The following PLXNA4 variants were observed in gnomAD, a reference collection of about 807,000 sequenced individuals.
PLXNA4 encodes plexin A4.
A neutral mutation model predicts 191.8 loss-of-function variants in PLXNA4; 44 were observed. The ratio of observed to expected loss-of-function variants is 0.23; its 90% CI spans 0.18 to 0.29. The LOEUF (loss-of-function observed/expected upper bound fraction) is 0.29. Ranked by LOEUF, PLXNA4 falls within the 10% of genes least tolerant of loss-of-function variation. The pLI is 1.00. For missense variants in PLXNA4, 1,800 were observed against 2,488.8 expected (o/e 0.72, Z 5.89); for synonymous variants, 1,082 against 1,009.5 (o/e 1.07, Z -1.36).
intron 3 of PLXNA4, among the ~76,000 whole-genome samples, chr7:132,464,665 A>G (rs1796634137): frequency 6.6e-6 from 1 of 152,236 alleles, no homozygotes; most frequent in Admixed American, 6.5e-5. Context: ...GTCCCTAAGA[A>G]TCTGTAGTAG....
chr7:132,460,442 C>A lies in PLXNA4; in HGVS notation c.1371+28850G>T, dbSNP rs564022792. Among the ~76,000 whole-genome samples the A allele has an allele frequency of 2.6e-5, 4 of 152,114 alleles. No homozygotes were observed. In the South Asian group the frequency reaches 8.3e-4, roughly 32 times the overall value. ...AAAATAGCTGCATGGAAAAAATTAG[C>A]TCTGTGCCCACCCTTCTCTCCTGTG... is the stretch of plus-strand genomic sequence containing the variant. On this transcript the variant is annotated intron_variant, in intron 3 of 31. Coordinates refer to ENST00000321063, the MANE Select transcript of PLXNA4 (RefSeq NM_020911.2).
chr7:132,174,808 A>T lies in PLXNA4; in HGVS notation c.3987T>A (p.Ile1329=). Reference sequence around the variant, plus strand: ...GGTCCCGGAGGACAGGGTGGTCTTCAATTCCTGGGAACAGCACCCGCATGG... The same window carrying T: ...GGTCCCGGAGGACAGGGTGGTCTTCTATTCCTGGGAACAGCACCCGCATGG... The part of the protein sequence containing the change: ...TYTMRVLFPG[I]EDHPVLRDLE... The change falls in exon 21 of 32, where the codon ATT becomes ATA. Residue 1329 remains isoleucine, a synonymous_variant. Transcript: ENST00000321063. The T allele has an allele frequency of 6.2e-7, 1 of 1,614,104 alleles. No homozygotes were observed. Among genetic ancestry groups the T allele is most frequent in the Non-Finnish European group, 8.5e-7 (1 of 1,179,964 alleles).
chr7:132,151,791 A>G (rs1795652793), intron 25 of PLXNA4, among the ~76,000 whole-genome samples: 1 of 152,156 alleles, frequency 6.6e-6, no homozygotes, highest in African/African-American at 2.4e-5. Flanking sequence ...GGATCACAAG[A>G]AGCCTACCCA....
chr7:132,636,449 G>A (rs1037472801), intron 2 of PLXNA4, among the ~76,000 whole-genome samples: 1 of 152,184 alleles, frequency 6.6e-6, no homozygotes, highest in African/African-American at 2.4e-5. Context: ...AAGAATCTGT[G>A]AGCTTCAGAG....
At chr7:132,185,919 G>A (rs540520400) in intron 15 of PLXNA4, among the ~76,000 whole-genome samples, 2 of 152,164 alleles carry the variant, frequency 1.3e-5, no homozygotes, top group Non-Finnish European at 2.9e-5. Flanking sequence ...GTAGTATTTG[G>A]AGTTGAGCCC....
intron 3 of PLXNA4, among the ~76,000 whole-genome samples, chr7:132,347,722 G>T (rs550123603): frequency 6.6e-6 from 1 of 152,114 alleles, no homozygotes; most frequent in Non-Finnish European, 1.5e-5. Context: ...GGGAAGGCAG[G>T]TGCCCATGAT....
chr7:132,330,984 C>T (rs1475829081), intron 3 of PLXNA4, among the ~76,000 whole-genome samples: 1 of 152,042 alleles, frequency 6.6e-6, no homozygotes, highest in African/African-American at 2.4e-5. Flanking sequence ...CCAAGCCTGC[C>T]AGTCATTTTT....
intron 3 of PLXNA4, among the ~76,000 whole-genome samples, chr7:132,475,191 T>C (rs1308511816): frequency 1.3e-5 from 2 of 152,108 alleles, no homozygotes; most frequent in African/African-American, 4.8e-5. Flanking sequence ...CTAGGAGCAG[T>C]AGTGGGAGGC....
At chr7:132,337,337 T>G (rs1003165938) in intron 3 of PLXNA4, among the ~76,000 whole-genome samples, 2 of 152,226 alleles carry the variant, frequency 1.3e-5, no homozygotes, top group Non-Finnish European at 2.9e-5. Context: ...TGTCCACACA[T>G]GTCCCCTGGC....
chr7:132,371,160 G>A (rs1804423931), intron 3 of PLXNA4, among the ~76,000 whole-genome samples: 1 of 152,178 alleles, frequency 6.6e-6, no homozygotes, highest in African/African-American at 2.4e-5. Context: ...GAGGGAAATG[G>A]GGGTGGGGAG....
At chr7:132,396,516 A>T (rs1485908858) in intron 3 of PLXNA4, among the ~76,000 whole-genome samples, 1 of 152,128 alleles carries the variant, frequency 6.6e-6, no homozygotes, top group Non-Finnish European at 1.5e-5. Flanking sequence ...TTTTTGAGAC[A>T]GTCAACCCCT....
intron 2 of PLXNA4, among the ~76,000 whole-genome samples, chr7:132,499,206 G>C (rs1412633802): frequency 6.6e-6 from 1 of 152,236 alleles, no homozygotes; most frequent in African/African-American, 2.4e-5. Context: ...TTGAACCCAT[G>C]ACCTTCTCCT....
At chr7:132,532,363 TG>T (rs1482324229) in intron 1 of PLXNA4, among the ~76,000 whole-genome samples, 1 of 152,122 alleles carries the variant, frequency 6.6e-6, no homozygotes, top group Admixed American at 6.5e-5. Context: ...AGGTCTGGAG[TG>T]GGACATGAGA....
intron 3 of PLXNA4, among the ~76,000 whole-genome samples, chr7:132,303,118 C>T (rs2116530679): frequency 6.6e-6 from 1 of 152,028 alleles, no homozygotes; most frequent in East Asian, 2.0e-4. Context: ...CGTGATCTGC[C>T]CGCCTCGGCC....
chr7:132,191,772 A>ATC lies in PLXNA4; in HGVS notation c.2856+2288_2856+2289dup, dbSNP rs145828587. On this transcript the variant is annotated intron_variant, in intron 14 of 31. Coordinates refer to ENST00000321063, the MANE Select transcript of PLXNA4 (RefSeq NM_020911.2). Reference sequence around the variant, plus strand: ...GGCGAATGTCATCCCTCCTCTCTCCATCTCTCTCTCTCTCTCTCTCTCTGT... The same window carrying ATC: ...GGCGAATGTCATCCCTCCTCTCTCCATCTCTCTCTCTCTCTCTCTCTCTCTGT... 1.1e-3 allele frequency among the ~76,000 whole-genome samples: 160 copies of ATC among 142,732 alleles called. 4 individuals are homozygous for ATC. The highest frequency in any genetic ancestry group is 2.9e-3 in the African/African-American group (108 of 37,396). 93.6% of individuals were successfully genotyped at this position (142,732 alleles called of 152,430 possible).
intron 2 of PLXNA4, among the ~76,000 whole-genome samples, chr7:132,498,475 A>G (rs1798118391): frequency 6.6e-6 from 1 of 152,146 alleles, no homozygotes; most frequent in Non-Finnish European, 1.5e-5. Context: ...CAGATCTCAT[A>G]AGACTTATTC....
intron 22 of PLXNA4, among the ~76,000 whole-genome samples, chr7:132,166,190 C>G: frequency 6.6e-6 from 1 of 151,446 alleles, no homozygotes; most frequent in Non-Finnish European, 1.5e-5. Flanking sequence ...AGTGAGACTC[C>G]GTCTCAAAAA....
intron 4 of PLXNA4, among the ~76,000 whole-genome samples, chr7:132,269,011 A>T (rs1799960078): frequency 6.6e-6 from 1 of 152,128 alleles, no homozygotes; most frequent in East Asian, 1.9e-4. Context: ...ACAAAGTATT[A>T]TTATTCTATT....
At chr7:132,444,821 G>A (rs1450978905) in intron 3 of PLXNA4, among the ~76,000 whole-genome samples, 2 of 151,810 alleles carry the variant, frequency 1.3e-5, no homozygotes, top group Non-Finnish European at 2.9e-5. Context: ...TCTTCTGGAC[G>A]TGCAGGAGAA....
Sources: allele counts gnomAD v4.1 joint callset (sites outside exome capture counted in the v4.1 genomes callset), GRCh38; gene constraint gnomAD v4.1.1; transcripts MANE v1.5; gene names NCBI Gene and HGNC (gene_info 2026-07-23, HGNC 2026-07-21).